PPP1R14C: variants seen among roughly 807,000 people sequenced by gnomAD.
PPP1R14C encodes protein phosphatase 1 regulatory inhibitor subunit 14C.
In PPP1R14C, 16 loss-of-function variants were observed where a neutral mutation model predicts 20.4. That is an observed-to-expected ratio of 0.78 (90% CI 0.53 to 1.19). The LOEUF (loss-of-function observed/expected upper bound fraction) is 1.19, where lower values mean the gene tolerates loss of function less well. Ranked by LOEUF, PPP1R14C falls within the 50% of genes most tolerant of loss-of-function variation. PPP1R14C has a pLI of 0.00. For synonymous variants in PPP1R14C, 91 were observed against 91.0 expected, an observed-to-expected ratio of 1.00 and a Z score of 0.00; for missense variants, 211 against 220.1, an observed-to-expected ratio of 0.96 and a Z score of 0.26.
chr6:150,236,126 G>A (rs1778356943), intron 3 of PPP1R14C, among the ~76,000 whole-genome samples: 1 of 152,130 alleles, frequency 6.6e-6, no homozygotes, highest in African/African-American at 2.4e-5. Flanking sequence ...ATTAACCTAC[G>A]GTTTGAATCT....
At chr6:150,156,262 A>G (rs981159201) in intron 1 of PPP1R14C, among the ~76,000 whole-genome samples, 2 of 152,144 alleles carry the variant, frequency 1.3e-5, no homozygotes, top group African/African-American at 4.8e-5. Flanking sequence ...AAGGCAAGGG[A>G]TACAGAGTAT....
chr6:150,149,556 C>A (rs1777221735), intron 1 of PPP1R14C, among the ~76,000 whole-genome samples: 1 of 144,768 alleles, frequency 6.9e-6, no homozygotes, highest in Admixed American at 7.2e-5. Flanking sequence ...CCTCAGCCTT[C>A]CAAAGTGTTG....
chr6:150,228,903 T>C (rs1234382033), intron 3 of PPP1R14C, among the ~76,000 whole-genome samples: 6 of 152,126 alleles, frequency 3.9e-5, no homozygotes, highest in Non-Finnish European at 8.8e-5. Context: ...GTGCCTTCTT[T>C]CTCTTGATAA....
At chr6:150,182,860 A>G (rs931605924) in intron 1 of PPP1R14C, among the ~76,000 whole-genome samples, 5 of 152,206 alleles carry the variant, frequency 3.3e-5, no homozygotes. Context: ...ACAGCCTACG[A>G]CACACCTAGG....
chr6:150,153,580 C>T (rs1048471959), intron 1 of PPP1R14C, among the ~76,000 whole-genome samples: 6 of 152,228 alleles, frequency 3.9e-5, no homozygotes, highest in Non-Finnish European at 7.3e-5. Flanking sequence ...CTTGGAGCAA[C>T]AGGCTCACAC....
chr6:150,158,842 T>A (rs1312912449), intron 1 of PPP1R14C, among the ~76,000 whole-genome samples: 1 of 152,190 alleles, frequency 6.6e-6, no homozygotes, highest in Non-Finnish European at 1.5e-5. Context: ...TTGAGGAAGA[T>A]GGGCTTTAAA....
chr6:150,172,572 A>G (rs1234636353), intron 1 of PPP1R14C, among the ~76,000 whole-genome samples: 4 of 152,118 alleles, frequency 2.6e-5, no homozygotes, highest in African/African-American at 9.7e-5. Flanking sequence ...TCATTTAGCT[A>G]TTGAGAGCTG....
At chr6:150,244,635 G>C (rs1312137039) in intron 3 of PPP1R14C, among the ~76,000 whole-genome samples, 3 of 152,100 alleles carry the variant, frequency 2.0e-5, no homozygotes. Flanking sequence ...CTTGAAATGT[G>C]GCTAGCGTGA....
intron 1 of PPP1R14C, among the ~76,000 whole-genome samples, chr6:150,144,759 G>C (rs1777163498): frequency 6.6e-6 from 1 of 152,222 alleles, no homozygotes; most frequent in Admixed American, 6.5e-5. Flanking sequence ...AAGCTTGACT[G>C]TATGACTAAT....
intron 3 of PPP1R14C, among the ~76,000 whole-genome samples, chr6:150,239,381 C>A (rs1372335321): frequency 2.0e-5 from 3 of 152,174 alleles, no homozygotes; most frequent in Non-Finnish European, 4.4e-5. Context: ...AAAGTGTGTT[C>A]TTTGATTACA....
At chr6:150,149,573 C>T (rs1362690650) in intron 1 of PPP1R14C, among the ~76,000 whole-genome samples, 1 of 146,112 alleles carries the variant, frequency 6.8e-6, no homozygotes, top group East Asian at 2.0e-4. Flanking sequence ...GTTGGGATTA[C>T]AGGTGTGAGC....
chr6:150,238,387 G>A (rs1238502427), intron 3 of PPP1R14C, among the ~76,000 whole-genome samples: 1 of 152,206 alleles, frequency 6.6e-6, no homozygotes, highest in Non-Finnish European at 1.5e-5. Context: ...AGAGGAGAGG[G>A]TGGGAGGAAG....
At chr6:150,220,102 A>G (rs6557374) in intron 3 of PPP1R14C, among the ~76,000 whole-genome samples, 18,021 of 152,094 alleles carry the variant, frequency 0.12, 2,034 homozygotes, top group African/African-American at 0.3. Context: ...TGATCCACCC[A>G]CCTTGGCCTT....
intron 3 of PPP1R14C, among the ~76,000 whole-genome samples, chr6:150,231,773 C>G (rs1778298973): frequency 6.6e-6 from 1 of 152,186 alleles, no homozygotes. Flanking sequence ...TTTTGCCCAA[C>G]ATTAGGTGTC....
chr6:150,147,126 C>CT (rs557703706), intron 1 of PPP1R14C, among the ~76,000 whole-genome samples: 13,927 of 133,328 alleles, frequency 0.1, 805 homozygotes, highest in East Asian at 0.23. Context: ...GTTTAAAGAC[C>CT]TTTTTTTTTT....
chr6:150,191,569 C>A (rs1298106547), intron 1 of PPP1R14C, among the ~76,000 whole-genome samples: 2 of 152,226 alleles, frequency 1.3e-5, no homozygotes, highest in Non-Finnish European at 2.9e-5. Flanking sequence ...TTAGAATCTT[C>A]ATTTAAGCAC....
At chr6:150,245,483 T>C (rs1322124635) in intron 3 of PPP1R14C, among the ~76,000 whole-genome samples, 1 of 152,212 alleles carries the variant, frequency 6.6e-6, no homozygotes, top group Non-Finnish European at 1.5e-5. Flanking sequence ...GTCCATTCTG[T>C]GCCAGGGACT....
intron 3 of PPP1R14C, among the ~76,000 whole-genome samples, chr6:150,219,479 G>C (rs71570212): frequency 1.3e-5 from 2 of 152,138 alleles, no homozygotes; most frequent in Non-Finnish European, 2.9e-5. Flanking sequence ...GCCTCCCAAA[G>C]TGCTGGGATT....
At chr6:150,163,308 G>A (rs1401675065) in intron 1 of PPP1R14C, among the ~76,000 whole-genome samples, 6 of 152,232 alleles carry the variant, frequency 3.9e-5, no homozygotes, top group Admixed American at 2.6e-4. Context: ...GGAGAATGGC[G>A]TGAACCTGGG....
Sources: gnomAD v4.1 joint callset for allele counts (sites outside exome capture counted in the v4.1 genomes callset) on GRCh38, gnomAD v4.1.1 for gene constraint, MANE v1.5 for transcripts, NCBI Gene and HGNC (gene_info 2026-07-23, HGNC 2026-07-21) for gene names.